UNC80: variants seen among roughly 807,000 people sequenced by gnomAD.
UNC80 encodes the protein protein unc-80 homolog.
UNC80 carries 164 observed loss-of-function variants against 384.6 expected under a neutral mutation model. The ratio of observed to expected loss-of-function variants is 0.43; its 90% CI spans 0.38 to 0.49. The LOEUF is 0.49. Among genes scored for constraint, UNC80 ranks in the 20% least tolerant of loss-of-function variants. UNC80 has a pLI of 0.00. For synonymous variants in UNC80, 1,486 were observed against 1,527.8 expected, an observed-to-expected ratio of 0.97 and a Z score of 0.64; for missense variants, 3,330 against 4,143.0, an observed-to-expected ratio of 0.80 and a Z score of 5.39.
chr2:209,787,021 C>CA (rs2077482550), intron 5 of UNC80, among the ~76,000 whole-genome samples: 1 of 109,248 alleles, frequency 9.2e-6, no homozygotes, highest in African/African-American at 3.7e-5. Flanking sequence ...ATATATATAC[C>CA]TATATATTTT....
chr2:209,953,596 C>T (rs1484548321), intron 47 of UNC80, among the ~76,000 whole-genome samples: 1 of 152,058 alleles, frequency 6.6e-6, no homozygotes, highest in African/African-American at 2.4e-5. Flanking sequence ...TGTTCACTCA[C>T]GTTGGTAAGC....
chr2:209,773,025 ACGT>A (rs2076669757), intron 1 of UNC80, 66 bp from the exon 2 acceptor site: 1 of 1,268,980 alleles, frequency 7.9e-7, no homozygotes, highest in Non-Finnish European at 1.1e-6. Flanking sequence ...ATTGAAAAAT[ACGT>A]CACAAGGATG....
intron 26 of UNC80, 98 bp from the exon 27 acceptor site, chr2:209,894,065 A>G: frequency 1.2e-6 from 1 of 812,222 alleles, no homozygotes; most frequent in Non-Finnish European, 1.5e-6. Context: ...CCAGGCCAGC[A>G]GAGGAGGCTG....
chr2:209,961,398 A>C (rs1489034523), intron 51 of UNC80: 2 of 152,246 alleles, frequency 1.3e-5, no homozygotes, highest in African/African-American at 4.8e-5. Flanking sequence ...CAAGAGGCAC[A>C]TAAGAAAATA....
At chr2:209,856,530 C>G (rs2082932906) in intron 22 of UNC80, among the ~76,000 whole-genome samples, 1 of 151,868 alleles carries the variant, frequency 6.6e-6, no homozygotes, top group Non-Finnish European at 1.5e-5. Flanking sequence ...ATATTTTTCT[C>G]TAAAAGTATT....
intron 34 of UNC80, 120 bp from the exon 35 acceptor site, chr2:209,922,132 T>C (rs2090084751): frequency 8.4e-7 from 1 of 1,188,970 alleles, no homozygotes; most frequent in Admixed American, 2.9e-5. Flanking sequence ...CTAAGTACAC[T>C]CAAAATTATT....
At chr2:209,798,351 A>G (rs2078301069) in intron 7 of UNC80, among the ~76,000 whole-genome samples, 1 of 152,238 alleles carries the variant, frequency 6.6e-6, no homozygotes, top group Non-Finnish European at 1.5e-5. Flanking sequence ...GGTATAAGAA[A>G]GGAGTCCAGT....
rs754523288 is a variant in UNC80, at chr2:209,820,699, T to C, written c.2331+20T>C. On this transcript the variant is annotated intron_variant, in intron 13 of 64. Coordinates refer to ENST00000673920, the MANE Select transcript of UNC80 (RefSeq NM_001371986.1). ...GAGAAGGTATGACTGAACCACCTTATGTGTCCTCATGAAATGTCATACCTA... is the reference window on the plus strand; with the variant it reads ...GAGAAGGTATGACTGAACCACCTTACGTGTCCTCATGAAATGTCATACCTA... 15 of 1,499,840 alleles carry C rather than the reference T, an allele frequency of 1.0e-5. No homozygotes were observed. The South Asian group carries it at 1.6e-4, about 16-fold the overall frequency. The allele number at this position is 1,499,840 out of a possible 1,614,324, so 92.9% of individuals were successfully genotyped here. A position where few individuals can be genotyped will look rare whatever the true frequency, so the allele number is the denominator to read the frequency against.
intron 16 of UNC80, among the ~76,000 whole-genome samples, chr2:209,833,422 C>T (rs1017834835): frequency 2.0e-5 from 3 of 152,128 alleles, no homozygotes; most frequent in African/African-American, 7.2e-5. Context: ...GTTTTAATAG[C>T]CCTACGTCAC....
At chr2:209,956,487 G>A (rs551222714) in intron 48 of UNC80, among the ~76,000 whole-genome samples, 2 of 152,146 alleles carry the variant, frequency 1.3e-5, no homozygotes, top group African/African-American at 4.8e-5. Context: ...GCACCACTCT[G>A]CATTGAGAAG....
chr2:209,875,077 C>T (rs989739983), intron 23 of UNC80, among the ~76,000 whole-genome samples: 2 of 152,164 alleles, frequency 1.3e-5, no homozygotes, highest in African/African-American at 4.8e-5. Flanking sequence ...ACAGTCTCCT[C>T]TCATTTAATG....
intron 25 of UNC80, among the ~76,000 whole-genome samples, chr2:209,883,817 G>T (rs1014128200): frequency 3.3e-5 from 5 of 152,084 alleles, no homozygotes; most frequent in African/African-American, 1.2e-4. Flanking sequence ...TTCTGTGACT[G>T]TGTTATTTCA....
chr2:209,942,047 A>G (rs2124979960), intron 44 of UNC80, among the ~76,000 whole-genome samples: 1 of 152,274 alleles, frequency 6.6e-6, no homozygotes, highest in South Asian at 2.1e-4. Flanking sequence ...ATGCCCTAGA[A>G]CAGGAATCCT....
chr2:209,868,934 G>A (rs1007677573), intron 22 of UNC80, among the ~76,000 whole-genome samples: 2 of 152,110 alleles, frequency 1.3e-5, no homozygotes, highest in African/African-American at 2.4e-5. Flanking sequence ...GTGACATTAT[G>A]GAGCATAAAA....
chr2:209,851,366 C>T (rs1174679228), intron 22 of UNC80, among the ~76,000 whole-genome samples: 1 of 152,008 alleles, frequency 6.6e-6, no homozygotes, highest in Non-Finnish European at 1.5e-5. Flanking sequence ...CACTCCTCAG[C>T]TCCTCCCTGA....
chr2:209,996,648 C>T lies in UNC80; in HGVS notation c.*1053C>T, dbSNP rs2093487663. Reference sequence around the variant, plus strand: ...TAAGCAATTTCTTCATAGACACCTCCAGTTTATATATTTTGCAAATAGGCC... The same window carrying T: ...TAAGCAATTTCTTCATAGACACCTCTAGTTTATATATTTTGCAAATAGGCC... On this transcript the variant is annotated 3_prime_UTR_variant, in exon 65 of 65. Coordinates refer to ENST00000673920, the MANE Select transcript of UNC80 (RefSeq NM_001371986.1). 1 of 152,140 alleles carries T rather than the reference C, an allele frequency of 6.6e-6. No individual in the cohort carries two copies. The highest frequency in any genetic ancestry group is 6.5e-5 in the Admixed American group (1 of 15,278). The allele number at this position is 152,140 out of a possible 1,614,324, so 9.4% of individuals were successfully genotyped here. A position where few individuals can be genotyped will look rare whatever the true frequency, so the allele number is the denominator to read the frequency against.
intron 35 of UNC80, 67 bp downstream of exon 35, chr2:209,922,450 T>G: frequency 1.4e-6 from 2 of 1,478,084 alleles, no homozygotes; most frequent in Non-Finnish European, 1.8e-6. Flanking sequence ...CCAGTTAATA[T>G]CATGATCTCA....
At chr2:209,914,775 T>C (rs2089334908) in intron 31 of UNC80, among the ~76,000 whole-genome samples, 1 of 152,088 alleles carries the variant, frequency 6.6e-6, no homozygotes, top group African/African-American at 2.4e-5. Context: ...AAGTGCACTT[T>C]GAATTTTTTC....
In UNC80 at chr2:209,865,364, AG is replaced by A. The variant is rs573267445; in HGVS notation, c.3628-7392del. Among the ~76,000 whole-genome samples, 35 of 152,230 alleles carry A rather than the reference AG, an allele frequency of 2.3e-4. No individual in the cohort carries two copies. The South Asian group carries it at 7.0e-3, about 31-fold the overall frequency. On this transcript the variant is annotated intron_variant, in intron 22 of 64. Coordinates refer to ENST00000673920, the MANE Select transcript of UNC80 (RefSeq NM_001371986.1). ...ATGCCTGTAATCCCAGCACTTTGGG[AG>A]GCCAAGGCAGGCGGATCGCGAGGTC...
Sources: allele counts gnomAD v4.1 joint callset (sites outside exome capture counted in the v4.1 genomes callset), GRCh38; gene constraint gnomAD v4.1.1; transcripts MANE v1.5; gene names NCBI Gene and HGNC (gene_info 2026-07-23, HGNC 2026-07-21).